Variants in GOLGA8B observed in about 807,000 individuals in gnomAD.
The protein encoded by GOLGA8B is golgin subfamily A member 8B.
A neutral mutation model predicts 15.6 loss-of-function variants in GOLGA8B; 1 was observed. The ratio of observed to expected loss-of-function variants is 0.06; its 90% confidence interval spans 0.02 to 0.30. The LOEUF is 0.30. GOLGA8B is among the 10% of genes least tolerant of loss of function. The probability of loss-of-function intolerance (pLI) is 1.00; values close to 1 mark genes in which losing one functional copy is unlikely to be tolerated. For missense variants in GOLGA8B, 17 were observed against 201.3 expected (o/e 0.08, Z 5.54); for synonymous variants, 9 against 80.3 (o/e 0.11, Z 4.75).
intron 7 of GOLGA8B, among the ~76,000 whole-genome samples, chr15:34,543,309 G>T (rs1888241908): frequency 6.9e-6 from 1 of 145,084 alleles, no homozygotes; most frequent in South Asian, 2.2e-4. Flanking sequence ...GATTAGCTGG[G>T]AGTATAGGCA....
intron 7 of GOLGA8B, among the ~76,000 whole-genome samples, chr15:34,538,607 TACCATGAAACAG>T (rs1437254849): frequency 0.027 from 235 of 8,686 alleles, 12 homozygotes; most frequent in African/African-American, 0.14. Context: ...GGGAAGGGAT[TACCATGAAACAG>T]ACCCTAGCAG....
At chr15:34,572,593 G>A (rs1403030916) in intron 1 of GOLGA8B, among the ~76,000 whole-genome samples, 1 of 152,222 alleles carries the variant, frequency 6.6e-6, no homozygotes, top group Admixed American at 6.5e-5. Flanking sequence ...TAAAAGACAA[G>A]TAAAATATGT....
chr15:34,580,325 G>C (rs1320853265), intron 1 of GOLGA8B, among the ~76,000 whole-genome samples: 1 of 152,174 alleles, frequency 6.6e-6, no homozygotes, highest in Middle Eastern at 3.2e-3. Context: ...ATCAGGCCGA[G>C]ACACATGGAT....
chr15:34,581,105 C>G (rs1808500), intron 1 of GOLGA8B, among the ~76,000 whole-genome samples: 1 of 152,176 alleles, frequency 6.6e-6, no homozygotes. Context: ...CCCCACCGAC[C>G]GCCAGTCCTG....
intron 1 of GOLGA8B, among the ~76,000 whole-genome samples, chr15:34,574,266 CCCA>C (rs903745527): frequency 7.2e-5 from 11 of 151,962 alleles, no homozygotes; most frequent in African/African-American, 2.7e-4. Flanking sequence ...ACTCCCAACC[CCCA>C]CATCAAGTAG....
chr15:34,577,879 G>A (rs1889124906), intron 1 of GOLGA8B, among the ~76,000 whole-genome samples: 1 of 152,138 alleles, frequency 6.6e-6, no homozygotes. Flanking sequence ...CACTAGTGCA[G>A]ACTTTATAAA....
intron 1 of GOLGA8B, among the ~76,000 whole-genome samples, chr15:34,576,411 CA>C (rs1397586730): frequency 6.6e-6 from 1 of 152,218 alleles, no homozygotes; most frequent in African/African-American, 2.4e-5. Context: ...AAGACACAAT[CA>C]GGAGTTCTTG....
chr15:34,581,469 T>C (rs1472564988), intron 1 of GOLGA8B: 1 of 152,254 alleles, frequency 6.6e-6, no homozygotes, highest in African/African-American at 2.4e-5. Flanking sequence ...CAATTACCTT[T>C]TACTTTTATC....
intron 1 of GOLGA8B, among the ~76,000 whole-genome samples, chr15:34,559,585 G>GGGGAGAGA (rs1555406138): frequency 5.7e-4 from 39 of 68,738 alleles, no homozygotes; most frequent in African/African-American, 2.3e-3. Flanking sequence ...TGAGAATGGG[G>GGGGAGAGA]GAGAGAGAGA....
rs372109082 is a variant in GOLGA8B at position 34,566,678 on chromosome 15, G to T, written c.-1122-12722C>A. ...CCCTGTTGACAGCACAAGCAGCTCA[G>T]GGCCAGCGGCGCAGGAAAACCCCAG... On this transcript the variant is annotated intron_variant, in intron 1 of 23. Coordinates refer to ENST00000683415, the MANE Select transcript of GOLGA8B (RefSeq NM_001023567.5). Among the ~76,000 whole-genome samples the T allele has an allele frequency of 3.6e-3, 518 of 145,632 alleles. 63 individuals carry two copies. Among genetic ancestry groups the T allele is most frequent in the Non-Finnish European group, 6.4e-3 (410 of 64,542 alleles).
chr15:34,581,054 A>T (rs1175970247), intron 1 of GOLGA8B, among the ~76,000 whole-genome samples: 2 of 152,164 alleles, frequency 1.3e-5, no homozygotes, highest in Non-Finnish European at 2.9e-5. Flanking sequence ...ATCTCTGCCG[A>T]AGACATTGAA....
chr15:34,575,122 A>AAAAAC (rs1889033948), intron 1 of GOLGA8B, among the ~76,000 whole-genome samples: 1 of 149,750 alleles, frequency 6.7e-6, no homozygotes. Flanking sequence ...AAAAAAAAAG[A>AAAAAC]AGGGTAAAAT....
chr15:34,568,995 A>T (rs1595708741), intron 1 of GOLGA8B, among the ~76,000 whole-genome samples: 1 of 149,936 alleles, frequency 6.7e-6, no homozygotes, highest in East Asian at 1.9e-4. Flanking sequence ...CAGGCATTCT[A>T]CAGGCCTCCC....
At chr15:34,575,146 T>C (rs2140354414) in intron 1 of GOLGA8B, among the ~76,000 whole-genome samples, 1 of 149,640 alleles carries the variant, frequency 6.7e-6, no homozygotes, top group Admixed American at 6.6e-5. Flanking sequence ...ACGTCCGCAC[T>C]AGCAAGGCTG....
chr15:34,566,638 T>C (rs1047863802), intron 1 of GOLGA8B, among the ~76,000 whole-genome samples: 13 of 145,956 alleles, frequency 8.9e-5, no homozygotes, highest in African/African-American at 1.7e-4. Context: ...GAACCTCTTA[T>C]CCAGACGGGG....
intron 1 of GOLGA8B, chr15:34,556,830 T>C (rs933599087): frequency 2.8e-4 from 179 of 630,892 alleles, no homozygotes; most frequent in Non-Finnish European, 4.0e-4. Flanking sequence ...GGACTCTAGC[T>C]GTCCCGGGGA....
At chr15:34,565,175 G>T in intron 1 of GOLGA8B, among the ~76,000 whole-genome samples, 1 of 130,002 alleles carries the variant, frequency 7.7e-6, no homozygotes, top group Non-Finnish European at 1.7e-5. Context: ...CACTCTTGTC[G>T]CCCAGGCTGG....
chr15:34,578,392 C>G (rs562013188), intron 1 of GOLGA8B, among the ~76,000 whole-genome samples: 1 of 152,300 alleles, frequency 6.6e-6, no homozygotes, highest in South Asian at 2.1e-4. Flanking sequence ...TGAAAATTAG[C>G]CCCTGTACTT....
Position 34,573,340 on chromosome 15 carries a change from C to T in GOLGA8B, c.-1123+10176G>A, listed in dbSNP as rs147239879. 1.7e-3 allele frequency among the ~76,000 whole-genome samples: 252 copies of T among 152,194 alleles called. 2 individuals are homozygous for T. The highest frequency in any genetic ancestry group is 5.8e-3 in the African/African-American group (241 of 41,522). On this transcript the variant is annotated intron_variant, in intron 1 of 23. Coordinates refer to ENST00000683415, the MANE Select transcript of GOLGA8B (RefSeq NM_001023567.5). ...GATCATGAGATCAGGAGATCAAGAC[C>T]ATCCTGGCTAACACGGTGAAATCTC...
Sources: allele counts gnomAD v4.1 joint callset (sites outside exome capture counted in the v4.1 genomes callset), GRCh38; gene constraint gnomAD v4.1.1; transcripts MANE v1.5; gene names NCBI Gene and HGNC (gene_info 2026-07-23, HGNC 2026-07-21).